Variants in RCAN2 observed in about 807,000 individuals in gnomAD.
RCAN2 encodes regulator of calcineurin 2.
RCAN2 carries 9 observed loss-of-function variants against 23.6 expected under a neutral mutation model. The observed-to-expected ratio is 0.38, with a 90% CI of 0.23 to 0.67. The LOEUF is 0.67. Among genes scored for constraint, RCAN2 ranks in the 30% least tolerant of loss-of-function variants. The pLI is 0.51. For synonymous variants in RCAN2, 109 were observed against 115.7 expected, an observed-to-expected ratio of 0.94 and a Z score of 0.37; for missense variants, 273 against 302.3, an observed-to-expected ratio of 0.90 and a Z score of 0.72.
At position 46,340,682 on chromosome 6, in the gene RCAN2, C is replaced by T. The variant is rs147582722; in HGVS notation, c.226-91786G>A. ...TATTACAGGAGTGGGAAATAAGTCT[C>T]TCTTCTGGTAAGCCCTCGAAATTTT... On this transcript the variant is annotated intron_variant, in intron 2 of 4. Transcript: ENST00000371374. Among the ~76,000 whole-genome samples, 1,254 of 152,300 alleles carry T rather than the reference C, an allele frequency of 8.2e-3. 80 individuals carry two copies. The highest frequency in any genetic ancestry group is 0.075 in the Admixed American group (1,149 of 15,294).
chr6:46,436,435 G>A (rs1004670472), intron 2 of RCAN2, among the ~76,000 whole-genome samples: 4 of 152,092 alleles, frequency 2.6e-5, no homozygotes, highest in East Asian at 1.9e-4. Context: ...GGCTGGTTTC[G>A]AACTCCTGAC....
chr6:46,318,583 T>C (rs768712839), intron 2 of RCAN2, among the ~76,000 whole-genome samples: 2 of 152,132 alleles, frequency 1.3e-5, no homozygotes, highest in Non-Finnish European at 2.9e-5. Flanking sequence ...TCAACTCACT[T>C]GCCAAGAATC....
At chr6:46,448,019 C>A (rs1001046680) in intron 2 of RCAN2, among the ~76,000 whole-genome samples, 9 of 151,416 alleles carry the variant, frequency 5.9e-5, no homozygotes, top group African/African-American at 1.7e-4. Flanking sequence ...GAAATAGAGA[C>A]TAGACAAATA....
intron 3 of RCAN2, among the ~76,000 whole-genome samples, 185 bp downstream of exon 3, chr6:46,248,538 T>C (rs1766600345): frequency 6.6e-6 from 1 of 152,142 alleles, no homozygotes; most frequent in Non-Finnish European, 1.5e-5. Flanking sequence ...TAGGCAGCTC[T>C]CAGAGCCTGT....
At chr6:46,274,489 G>A (rs190341953) in intron 2 of RCAN2, among the ~76,000 whole-genome samples, 61 of 152,298 alleles carry the variant, frequency 4.0e-4, no homozygotes, top group Admixed American at 1.1e-3. Context: ...AGAGAAGGGA[G>A]CAATAAGGTT....
At chr6:46,243,542 G>T (rs555930378) in intron 4 of RCAN2, among the ~76,000 whole-genome samples, 4 of 152,044 alleles carry the variant, frequency 2.6e-5, no homozygotes, top group Non-Finnish European at 5.9e-5. Context: ...CTAGCGCGGT[G>T]GCTCATGTCT....
At chr6:46,231,927 C>T (rs1008064857) in intron 4 of RCAN2, among the ~76,000 whole-genome samples, 1 of 152,158 alleles carries the variant, frequency 6.6e-6, no homozygotes, top group Non-Finnish European at 1.5e-5. Context: ...ATTGATAGTA[C>T]AGAGAAATAG....
chr6:46,319,919 C>A (rs1383969619), intron 2 of RCAN2, among the ~76,000 whole-genome samples: 1 of 152,076 alleles, frequency 6.6e-6, no homozygotes, highest in African/African-American at 2.4e-5. Context: ...TCTTCATAAA[C>A]CAAAGATGGT....
intron 2 of RCAN2, among the ~76,000 whole-genome samples, chr6:46,435,598 A>T (rs1767341192): frequency 6.6e-6 from 1 of 152,224 alleles, no homozygotes; most frequent in Non-Finnish European, 1.5e-5. Flanking sequence ...AGCAAGAATG[A>T]AGCACCCGCA....
chr6:46,431,139 C>CTGTG (rs3084652), intron 2 of RCAN2, among the ~76,000 whole-genome samples: 1 of 151,186 alleles, frequency 6.6e-6, no homozygotes, highest in South Asian at 2.1e-4. Context: ...ATGTGTGTGT[C>CTGTG]TGTGTGTGTG....
chr6:46,415,644 A>C (rs1223729823), intron 2 of RCAN2, among the ~76,000 whole-genome samples: 6 of 152,202 alleles, frequency 3.9e-5, no homozygotes, highest in Non-Finnish European at 7.3e-5. Context: ...AAGACTAAAA[A>C]GGAGAGTTAG....
rs559304414 is a variant in RCAN2 at position 46,305,597 on chromosome 6, A to G, written c.226-56701T>C. On this transcript the variant is annotated intron_variant, in intron 2 of 4. Coordinates refer to ENST00000371374, the MANE Select transcript of RCAN2 (RefSeq NM_001251974.2). The stretch of plus-strand genomic sequence containing the variant: ...AAGTGTGAGCCAATTTTACACTTTT[A>G]TAACTTCAAAGAAAGACTCACACCT... Among the ~76,000 whole-genome samples the G allele has an allele frequency of 3.3e-5, 5 of 152,134 alleles. No homozygotes were observed. The South Asian group carries it at 1.0e-3, about 32-fold the overall frequency.
At chr6:46,260,467 T>G (rs1442129760) in intron 2 of RCAN2, among the ~76,000 whole-genome samples, 5 of 152,112 alleles carry the variant, frequency 3.3e-5, no homozygotes, top group Non-Finnish European at 2.9e-5. Flanking sequence ...AAGTGGAGAC[T>G]GAGGAAGAGG....
At chr6:46,337,558 ATCT>A (rs777055299) in intron 2 of RCAN2, among the ~76,000 whole-genome samples, 5 of 152,206 alleles carry the variant, frequency 3.3e-5, no homozygotes, top group Non-Finnish European at 7.3e-5. Flanking sequence ...TGAACATCTA[ATCT>A]TCTCACCAAA....
At chr6:46,275,741 T>G (rs1213250394) in intron 2 of RCAN2, among the ~76,000 whole-genome samples, 1 of 152,226 alleles carries the variant, frequency 6.6e-6, no homozygotes, top group Non-Finnish European at 1.5e-5. Context: ...TATTCCGTCT[T>G]AGAGCTTGGT....
intron 3 of RCAN2, among the ~76,000 whole-genome samples, 159 bp downstream of exon 3, chr6:46,248,564 G>T (rs1227658659): frequency 6.6e-6 from 1 of 152,084 alleles, no homozygotes; most frequent in Non-Finnish European, 1.5e-5. Context: ...AAGCCACTAA[G>T]CTGTTTCTGT....
intron 2 of RCAN2, among the ~76,000 whole-genome samples, chr6:46,323,114 G>A (rs1224801287): frequency 6.6e-6 from 1 of 152,130 alleles, no homozygotes; most frequent in East Asian, 1.9e-4. Flanking sequence ...AACATTTTCT[G>A]TGTGCTAGAC....
chr6:46,377,201 A>G (rs1039029593), intron 2 of RCAN2, among the ~76,000 whole-genome samples: 1 of 152,190 alleles, frequency 6.6e-6, no homozygotes, highest in Non-Finnish European at 1.5e-5. Flanking sequence ...CCCCAGCTGG[A>G]TGCTCAAGGT....
intron 2 of RCAN2, among the ~76,000 whole-genome samples, chr6:46,369,008 G>A (rs1765253096): frequency 6.6e-6 from 1 of 151,852 alleles, no homozygotes; most frequent in African/African-American, 2.4e-5. Flanking sequence ...TTATACAATT[G>A]TACAAAAGTA....
Sources: allele counts gnomAD v4.1 joint callset (sites outside exome capture counted in the v4.1 genomes callset), GRCh38; gene constraint gnomAD v4.1.1; transcripts MANE v1.5; gene names NCBI Gene and HGNC (gene_info 2026-07-23, HGNC 2026-07-21).